The following SPN variants were observed in gnomAD, a reference collection of about 807,000 sequenced individuals.
SPN encodes the protein sialophorin.
A neutral mutation model predicts 8.4 loss-of-function variants in SPN; 6 were observed. The ratio of observed to expected loss-of-function variants is 0.72; its 90% CI spans 0.39 to 1.42. The LOEUF (loss-of-function observed/expected upper bound fraction) is 1.42, where lower values mean the gene tolerates loss of function less well. SPN is among the 40% of genes most tolerant of loss of function. The pLI is 0.02. For synonymous variants in SPN, 201 were observed against 222.6 expected (o/e 0.90, Z 0.86); for missense variants, 517 against 530.6 (o/e 0.97, Z 0.25).
At position 29,670,608 on chromosome 16, in the gene SPN, T is replaced by C. The variant is rs1966847831; in HGVS notation, c.*5677T>C. ...TCAGTAAAAATCATGTTTTTGAAAA[T>C]TATGTAATGACTTTGGAAAATACCA... is the stretch of plus-strand genomic sequence containing the variant. On this transcript the variant is annotated 3_prime_UTR_variant, in exon 2 of 2. Transcript: ENST00000652691. 3.1e-6 allele frequency: 1 copy of C among 322,994 alleles called. No homozygotes were observed. Among genetic ancestry groups the C allele is most frequent in the Admixed American group, 4.3e-5 (1 of 23,434 alleles). 20.0% of individuals were successfully genotyped at this position (322,994 alleles called of 1,614,324 possible).
chr16:29,665,089 T>G lies in SPN; in HGVS notation c.*158T>G, dbSNP rs1048709559. 35 of 888,748 alleles carry G rather than the reference T, an allele frequency of 3.9e-5. 1 individual carries two copies. The highest frequency in any genetic ancestry group is 4.5e-5 in the Non-Finnish European group (30 of 661,048). The allele number at this position is 888,748 out of a possible 1,614,324, so 55.1% of individuals were successfully genotyped here. On this transcript the variant is annotated 3_prime_UTR_variant, in exon 2 of 2. Coordinates refer to ENST00000652691, the MANE Select transcript of SPN (RefSeq NM_003123.6). ...TTTTTCTTTTGAGACAGAGTTTCGC[T>G]TTGTCGCCCAGGCTGGAGTGCAATG...
Position 29,668,022 on chromosome 16 carries a change from ATGCATGTGTAC to A in SPN, c.*3094_*3104del, listed in dbSNP as rs779039597. The A allele has an allele frequency of 1.0e-4, 17 of 167,002 alleles. No homozygotes were observed. Among genetic ancestry groups the A allele is most frequent in the Non-Finnish European group, 1.8e-4 (12 of 68,126 alleles). 10.3% of individuals were successfully genotyped at this position (167,002 alleles called of 1,614,324 possible). A position where few individuals can be genotyped will look rare whatever the true frequency, so the allele number is the denominator to read the frequency against. ...TGTGTGTGTGCATGCATGTTCTCCCATGCATGTGTACTGTGGCAAGGGAGACTTTGAGGAAG... is the reference window on the plus strand; with the variant it reads ...TGTGTGTGTGCATGCATGTTCTCCCATGTGGCAAGGGAGACTTTGAGGAAG... On this transcript the variant is annotated 3_prime_UTR_variant, in exon 2 of 2. Coordinates refer to ENST00000652691, the MANE Select transcript of SPN (RefSeq NM_003123.6).
At position 29,663,738 on chromosome 16, in the gene SPN, C is replaced by T; in HGVS notation, c.10C>T (p.Leu4Phe). 6.4e-7 allele frequency: 1 copy of T among 1,567,116 alleles called. No individual in the cohort carries two copies. Among genetic ancestry groups the T allele is most frequent in the Non-Finnish European group, 8.6e-7 (1 of 1,158,502 alleles). Residue 4 changes from leucine (L) to phenylalanine (F), a missense_variant, in exon 2 of 2, where the codon CTT becomes TTT. Transcript: ENST00000652691. This position sits in a 1 kb window ranked among gnomAD's most constrained non-coding sequence, Gnocchi z 4.3. ...GCCTGTTTGCCTGGAAATGGCCACG[C>T]TTCTCCTTCTCCTTGGGGTGCTGGT... is the stretch of plus-strand genomic sequence containing the variant. MAT[L>F]LLLLGVLVVS...
chr16:29,670,733 G>A lies in SPN; in HGVS notation c.*5802G>A, dbSNP rs1200559059. The A allele has an allele frequency of 2.2e-6, 1 of 455,818 alleles. No individual in the cohort carries two copies. The highest frequency in any genetic ancestry group is 2.4e-5 in the Admixed American group (1 of 42,520). 28.2% of individuals were successfully genotyped at this position (455,818 alleles called of 1,614,324 possible). A position where few individuals can be genotyped will look rare whatever the true frequency, so the allele number is the denominator to read the frequency against. ...ATTCCCAACCATATATGCACTTATAGGGAAACAAAGGACCCATCGCAAATG... is the reference window on the plus strand; with the variant it reads ...ATTCCCAACCATATATGCACTTATAAGGAAACAAAGGACCCATCGCAAATG... On this transcript the variant is annotated 3_prime_UTR_variant, in exon 2 of 2. Transcript: ENST00000652691.
At position 29,664,391 on chromosome 16, in the gene SPN, C is replaced by A. The variant is rs1387688599; in HGVS notation, c.663C>A (p.Pro221=). The change falls in exon 2 of 2, where the codon CCC becomes CCA. Residue 221 remains proline, a synonymous_variant. Transcript: ENST00000652691. The surrounding 1 kb of genome is among the most constrained non-coding windows in gnomAD (Gnocchi z 6.4). ...SLEPSSGASG[P]QVSSVKLSTM... Reference sequence around the variant, plus strand: ...AGCCCTCCAGCGGGGCCAGTGGACCCCAGGTCTCTAGCGTAAAACTATCTA... The same window carrying A: ...AGCCCTCCAGCGGGGCCAGTGGACCACAGGTCTCTAGCGTAAAACTATCTA... 1 of 1,614,068 alleles carries A rather than the reference C, an allele frequency of 6.2e-7. No homozygotes were observed. The highest frequency in any genetic ancestry group is 1.1e-5 in the South Asian group (1 of 91,086).
rs758508147 is a variant in SPN, at chr16:29,664,344, A to T, written c.616A>T (p.Thr206Ser). Reference protein sequence around the residue: ...TSTGTTGPPVTMTTGSLEPSS... With the variant: ...TSTGTTGPPVSMTTGSLEPSS... ...CACTGGGACCACTGGACCCCCTGTT[A>T]CCATGACAACTGGCTCTCTGGAGCC... Residue 206 changes from threonine to serine, a missense_variant, in exon 2 of 2, where the codon ACC becomes TCC. Coordinates refer to ENST00000652691, the MANE Select transcript of SPN (RefSeq NM_003123.6). The surrounding 1 kb of genome is among the most constrained non-coding windows in gnomAD (Gnocchi z 6.4). The T allele has an allele frequency of 6.2e-7, 1 of 1,613,488 alleles. No homozygotes were observed. The highest frequency in any genetic ancestry group is 8.5e-7 in the Non-Finnish European group (1 of 1,180,008).
chr16:29,663,749 C>A lies in SPN; in HGVS notation c.21C>A (p.Leu7=). 3 of 1,588,220 alleles carry A rather than the reference C, an allele frequency of 1.9e-6. No individual in the cohort carries two copies. The highest frequency in any genetic ancestry group is 1.4e-5 in the African/African-American group (1 of 74,070). The change falls in exon 2 of 2, where the codon CTC becomes CTA. Residue 7 remains leucine (L), a synonymous_variant. Transcript: ENST00000652691. This position sits in a 1 kb window ranked among gnomAD's most constrained non-coding sequence, Gnocchi z 4.3. ...TGGAAATGGCCACGCTTCTCCTTCT[C>A]CTTGGGGTGCTGGTGGTAAGCCCAG... MATLLL[L]LGVLVVSPDA... is the part of the protein sequence containing the mutation.
At position 29,668,009 on chromosome 16, in the gene SPN, T is replaced by TGCGC. The variant is rs1966838876; in HGVS notation, c.*3080_*3081insGCGC. ...GTGTGTGCGCGCATGTGTGTGTGCA[T>TGCGC]GCATGTTCTCCCATGCATGTGTACT... is the stretch of plus-strand genomic sequence containing the variant. On this transcript the variant is annotated 3_prime_UTR_variant, in exon 2 of 2. Transcript: ENST00000652691. 1 of 167,036 alleles carries TGCGC rather than the reference T, an allele frequency of 6.0e-6. No individual in the cohort carries two copies. The highest frequency in any genetic ancestry group is 1.5e-5 in the Non-Finnish European group (1 of 68,140). 10.3% of individuals were successfully genotyped at this position (167,036 alleles called of 1,614,324 possible). A position where few individuals can be genotyped will look rare whatever the true frequency, so the allele number is the denominator to read the frequency against.
chr16:29,666,641 C>T lies in SPN; in HGVS notation c.*1710C>T. 3.2e-6 allele frequency: 1 copy of T among 314,554 alleles called. No homozygotes were observed. Among genetic ancestry groups the T allele is most frequent in the East Asian group, 8.2e-5 (1 of 12,124 alleles). The allele number at this position is 314,554 out of a possible 1,614,324, so 19.5% of individuals were successfully genotyped here. ...GGGACTGGTCTGGCTGGCGCTTCCC[C>T]ACTGCACGTTTCCAGGTTTAGTTTG... On this transcript the variant is annotated 3_prime_UTR_variant, in exon 2 of 2. Transcript: ENST00000652691.
rs1247665642 is a variant in SPN, at chr16:29,664,372, C to T, written c.644C>T (p.Ser215Phe). The change falls in exon 2 of 2, where the codon TCC becomes TTC. Residue 215 changes from serine (S) to phenylalanine (F), a missense_variant. By Grantham distance (155) the Ser-to-Phe change is radical. Transcript: ENST00000652691. The surrounding 1 kb of genome is among the most constrained non-coding windows in gnomAD (Gnocchi z 6.4). Reference protein sequence around the residue: ...VTMTTGSLEPSSGASGPQVSS... With the variant: ...VTMTTGSLEPFSGASGPQVSS... Reference sequence around the variant, plus strand: ...ATGACAACTGGCTCTCTGGAGCCCTCCAGCGGGGCCAGTGGACCCCAGGTC... The same window carrying T: ...ATGACAACTGGCTCTCTGGAGCCCTTCAGCGGGGCCAGTGGACCCCAGGTC... 3.7e-6 allele frequency: 6 copies of T among 1,613,588 alleles called. No individual in the cohort carries two copies. The highest frequency in any genetic ancestry group is 4.5e-5 in the East Asian group (2 of 44,424).
Position 29,665,993 on chromosome 16 carries a change from G to A in SPN, c.*1062G>A, listed in dbSNP as rs761810396. On this transcript the variant is annotated 3_prime_UTR_variant, in exon 2 of 2. Transcript: ENST00000652691. Reference sequence around the variant, plus strand: ...TTCTCAGAAACCCCAGTGCCTGCGTGTGTCCACTCGTGGGTGTGGTTTGTG... The same window carrying A: ...TTCTCAGAAACCCCAGTGCCTGCGTATGTCCACTCGTGGGTGTGGTTTGTG... 6.0e-5 allele frequency: 10 copies of A among 167,020 alleles called. 1 individual carries two copies. In the Admixed American group the frequency reaches 6.6e-4, roughly 11 times the overall value. 10.3% of individuals were successfully genotyped at this position (167,020 alleles called of 1,614,324 possible).
rs1240621889 is a variant in SPN, at chr16:29,663,848, G to C, written c.120G>C (p.Leu40=). The C allele has an allele frequency of 6.2e-7, 1 of 1,613,998 alleles. No individual in the cohort carries two copies. Among genetic ancestry groups the C allele is most frequent in the Non-Finnish European group, 8.5e-7 (1 of 1,180,034 alleles). Residue 40 remains leucine (L), a synonymous_variant, in exon 2 of 2, where the codon CTG becomes CTC. Coordinates refer to ENST00000652691, the MANE Select transcript of SPN (RefSeq NM_003123.6). This position sits in a 1 kb window ranked among gnomAD's most constrained non-coding sequence, Gnocchi z 4.3. ...GEPLVSTSEP[L]SSKMYTTSIT... ...CTTTGGTCTCTACTAGCGAGCCCCT[G>C]AGCTCAAAGATGTACACCACTTCAA...
Position 29,667,028 on chromosome 16 carries a change from T to G in SPN, c.*2097T>G. On this transcript the variant is annotated 3_prime_UTR_variant, in exon 2 of 2. Transcript: ENST00000652691. ...GCAGGAGATGGGGGAAAGGGTCAGG[T>G]GGGGGATGGGCTCGTGCAGTGGGAG... is the stretch of plus-strand genomic sequence containing the variant. 2.1e-6 allele frequency: 1 copy of G among 467,058 alleles called. No individual in the cohort carries two copies. Among genetic ancestry groups the G allele is most frequent in the East Asian group, 7.0e-5 (1 of 14,272 alleles). The allele number at this position is 467,058 out of a possible 1,614,324, so 28.9% of individuals were successfully genotyped here.
chr16:29,666,939 A>C lies in SPN; in HGVS notation c.*2008A>C. ...GAGCTTGCGGTGGCTGAGAGCAGAC[A>C]GGTTGACCTGCAAAAAAAGACAGGG... On this transcript the variant is annotated 3_prime_UTR_variant, in exon 2 of 2. Transcript: ENST00000652691. 2.1e-6 allele frequency: 1 copy of C among 470,896 alleles called. No individual in the cohort carries two copies. Among genetic ancestry groups the C allele is most frequent in the Non-Finnish European group, 4.4e-6 (1 of 226,890 alleles). The allele number at this position is 470,896 out of a possible 1,614,324, so 29.2% of individuals were successfully genotyped here.
In SPN at chr16:29,663,683, G is replaced by A. The variant is rs769375009; in HGVS notation, c.-34-12G>A. On this transcript the variant is annotated splice_polypyrimidine_tract_variant and intron_variant, in intron 1 of 1. Transcript: ENST00000652691. The surrounding 1 kb of genome is among the most constrained non-coding windows in gnomAD (Gnocchi z 4.3). ...TCCCGCGTGTTCTGCTTCTCCGGCT[G>A]CCCACCTGCAGGTCCCAGCTCTTGC... 2.0e-6 allele frequency: 3 copies of A among 1,517,958 alleles called. No homozygotes were observed. Among genetic ancestry groups the A allele is most frequent in the Non-Finnish European group, 2.6e-6 (3 of 1,136,610 alleles). The allele number at this position is 1,517,958 out of a possible 1,614,324, so 94.0% of individuals were successfully genotyped here. A position where few individuals can be genotyped will look rare whatever the true frequency, so the allele number is the denominator to read the frequency against.
chr16:29,663,938 C>T lies in SPN; in HGVS notation c.210C>T (p.Ser70=), dbSNP rs1227033018. 6.2e-7 allele frequency: 1 copy of T among 1,614,088 alleles called. No homozygotes were observed. The highest frequency in any genetic ancestry group is 8.5e-7 in the Non-Finnish European group (1 of 1,179,972). Residue 70 remains serine, a synonymous_variant, in exon 2 of 2, where the codon TCC becomes TCT. Transcript: ENST00000652691. The surrounding 1 kb of genome is among the most constrained non-coding windows in gnomAD (Gnocchi z 4.3). The part of the protein sequence containing the change: ...DQTSALPPST[S]INEGSPLWTS... ...CCTCAGCCCTACCTCCCTCAACTTC[C>T]ATCAATGAGGGATCCCCTCTTTGGA...
chr16:29,667,121 C>A lies in SPN; in HGVS notation c.*2190C>A, dbSNP rs1966827201. ...TGGGAAGAGCTGAGCTCGGATGGAA[C>A]CAGCTTCTACCAGCCAGGCTGGGCA... On this transcript the variant is annotated 3_prime_UTR_variant, in exon 2 of 2. Coordinates refer to ENST00000652691, the MANE Select transcript of SPN (RefSeq NM_003123.6). 2 of 434,898 alleles carry A rather than the reference C, an allele frequency of 4.6e-6. No individual in the cohort carries two copies. Among genetic ancestry groups the A allele is most frequent in the South Asian group, 3.3e-5 (2 of 61,374 alleles). The allele number at this position is 434,898 out of a possible 1,614,324, so 26.9% of individuals were successfully genotyped here.
chr16:29,666,808 C>T lies in SPN; in HGVS notation c.*1877C>T. On this transcript the variant is annotated 3_prime_UTR_variant, in exon 2 of 2. Coordinates refer to ENST00000652691, the MANE Select transcript of SPN (RefSeq NM_003123.6). ...GAGAGGGGAGAACTCAATGGTGCTG[C>T]CTTTGAGACCAGCCCAGGCTACAGC... 2.3e-6 allele frequency: 1 copy of T among 439,100 alleles called. No individual in the cohort carries two copies. Among genetic ancestry groups the T allele is most frequent in the Admixed American group, 2.5e-5 (1 of 40,798 alleles). 27.2% of individuals were successfully genotyped at this position (439,100 alleles called of 1,614,324 possible). A position where few individuals can be genotyped will look rare whatever the true frequency, so the allele number is the denominator to read the frequency against.
Position 29,670,473 on chromosome 16 carries a change from A to C in SPN, c.*5542A>C. 5.5e-6 allele frequency: 1 copy of C among 183,120 alleles called. No homozygotes were observed. Among genetic ancestry groups the C allele is most frequent in the South Asian group, 9.5e-5 (1 of 10,552 alleles). 11.3% of individuals were successfully genotyped at this position (183,120 alleles called of 1,614,324 possible). A position where few individuals can be genotyped will look rare whatever the true frequency, so the allele number is the denominator to read the frequency against. On this transcript the variant is annotated 3_prime_UTR_variant, in exon 2 of 2. Coordinates refer to ENST00000652691, the MANE Select transcript of SPN (RefSeq NM_003123.6). ...CATTGCACTCTAGTCTGGGCGACAG[A>C]GCAAGACTCCGTCTTGGAAAAAAAT...
Sources: gnomAD v4.1 joint callset for allele counts on GRCh38, gnomAD v4.1.1 for gene constraint, Gnocchi (gnomAD v3.1) non-coding constraint, MANE v1.5 for transcripts, NCBI Gene and HGNC (gene_info 2026-07-23, HGNC 2026-07-21) for gene names.